CYFIP2: variants seen among roughly 807,000 people sequenced by gnomAD.
CYFIP2 encodes cytoplasmic FMR1-interacting protein 2.
In CYFIP2, 29 loss-of-function variants were observed where a neutral mutation model predicts 158.7. That is an observed-to-expected ratio of 0.18 (90% CI 0.14 to 0.25). CYFIP2 has a LOEUF of 0.25. Among genes scored for constraint, CYFIP2 ranks in the 10% least tolerant of loss-of-function variants. CYFIP2 has a pLI of 1.00. For missense variants in CYFIP2, 852 were observed against 1,639.5 expected (o/e 0.52, Z 8.29); for synonymous variants, 585 against 617.6 (o/e 0.95, Z 0.78).
intron 15 of CYFIP2, among the ~76,000 whole-genome samples, chr5:157,322,463 A>G (rs1760673947): frequency 6.6e-6 from 1 of 152,268 alleles, no homozygotes; most frequent in Non-Finnish European, 1.5e-5. Context: ...TCAGAGAATT[A>G]GAGTTGGATA....
chr5:157,375,080 T>G (rs1765335214), intron 26 of CYFIP2, among the ~76,000 whole-genome samples: 1 of 152,174 alleles, frequency 6.6e-6, no homozygotes, highest in Admixed American at 6.5e-5. Flanking sequence ...TTGAGACTTG[T>G]TAAAGGCACC....
intron 26 of CYFIP2, among the ~76,000 whole-genome samples, chr5:157,375,049 T>G (rs1056719249): frequency 1.3e-5 from 2 of 152,150 alleles, no homozygotes; most frequent in Non-Finnish European, 2.9e-5. Context: ...CACTTGGAGT[T>G]TTAAAATCAG....
intron 15 of CYFIP2, among the ~76,000 whole-genome samples, chr5:157,321,179 C>T (rs1248187899): frequency 6.6e-6 from 1 of 152,208 alleles, no homozygotes; most frequent in Non-Finnish European, 1.5e-5. Flanking sequence ...AATCTATCTG[C>T]ATGCATCTAT....
At chr5:157,331,950 C>T (rs1251484298) in intron 20 of CYFIP2, among the ~76,000 whole-genome samples, 3 of 152,154 alleles carry the variant, frequency 2.0e-5, no homozygotes, top group Non-Finnish European at 4.4e-5. Flanking sequence ...CCGCGTGTAC[C>T]CCAGTGGAAA....
chr5:157,347,066 C>T (rs1762749409), intron 23 of CYFIP2, among the ~76,000 whole-genome samples: 1 of 152,162 alleles, frequency 6.6e-6, no homozygotes, highest in Admixed American at 6.5e-5. Context: ...AATTTATACA[C>T]ATTATATGTT....
In CYFIP2 at chr5:157,386,907, G is replaced by A. The variant is rs200965777; in HGVS notation, c.3208-2282G>A. ...TGCACTCTGGCCTGGACAGCAGAGTGAGACTCTGTCTCGAAGATTTAAAAA... is the reference window on the plus strand; with the variant it reads ...TGCACTCTGGCCTGGACAGCAGAGTAAGACTCTGTCTCGAAGATTTAAAAA... On this transcript the variant is annotated intron_variant, in intron 28 of 30. Coordinates refer to ENST00000620254, the MANE Select transcript of CYFIP2 (RefSeq NM_001037333.3). Among the ~76,000 whole-genome samples, 6 of 146,632 alleles carry A rather than the reference G, an allele frequency of 4.1e-5. No individual in the cohort carries two copies. The East Asian group carries it at 1.2e-3, about 30-fold the overall frequency.
chr5:157,339,032 A>G (rs1372389756), intron 21 of CYFIP2, 25 bp from the exon 22 acceptor site: 2 of 1,597,000 alleles, frequency 1.3e-6, no homozygotes, highest in Middle Eastern at 1.7e-4. Context: ...AGTCCTCAGC[A>G]GTTGTGGGCT....
chr5:157,352,852 A>C (rs1237167804), intron 23 of CYFIP2, among the ~76,000 whole-genome samples: 1 of 152,110 alleles, frequency 6.6e-6, no homozygotes, highest in Non-Finnish European at 1.5e-5. Context: ...TGCTATCGTA[A>C]GTGTCATAAG....
intron 23 of CYFIP2, among the ~76,000 whole-genome samples, chr5:157,346,140 T>G (rs1401181116): frequency 5.3e-5 from 8 of 152,152 alleles, no homozygotes; most frequent in Non-Finnish European, 1.2e-4. Flanking sequence ...TTATTTTTAT[T>G]GTCTGAGTCT....
chr5:157,280,250 G>A (rs1471866996), intron 1 of CYFIP2, among the ~76,000 whole-genome samples: 2 of 152,058 alleles, frequency 1.3e-5, no homozygotes, highest in East Asian at 3.8e-4. Flanking sequence ...AGGCTGGAGT[G>A]CAATGGCATG....
At chr5:157,304,396 A>G (rs1421829164) in intron 8 of CYFIP2, 30 bp downstream of exon 8, 1 of 1,594,536 alleles carries the variant, frequency 6.3e-7, no homozygotes, top group Admixed American at 1.8e-5. Flanking sequence ...GCACCCATGG[A>G]GCCTGGGCTT....
chr5:157,357,933 G>C (rs1289328649), intron 23 of CYFIP2, among the ~76,000 whole-genome samples: 1 of 152,158 alleles, frequency 6.6e-6, no homozygotes, highest in African/African-American at 2.4e-5. Flanking sequence ...ACCATGATAG[G>C]TGGAGCATGG....
At chr5:157,339,549 G>A (rs1335573160) in intron 22 of CYFIP2, among the ~76,000 whole-genome samples, 3 of 152,218 alleles carry the variant, frequency 2.0e-5, no homozygotes, top group African/African-American at 7.2e-5. Flanking sequence ...GCATGCCATG[G>A]TGAGCAGATA....
rs1364445744 is a variant in CYFIP2, at chr5:157,285,471, T to C, written c.110T>C (p.Met37Thr). 2 of 1,566,978 alleles carry C rather than the reference T, an allele frequency of 1.3e-6. No homozygotes were observed. Among genetic ancestry groups the C allele is most frequent in the Non-Finnish European group, 1.7e-6 (2 of 1,155,534 alleles). ...PCIEPPPSSI[M>T]YQANFDTNFE... ...ATCGAGCCTCCACCTTCCTCCATCA[T>C]GTACCAGGTAATGGAAATGGTAGAT... The change falls in exon 2 of 31, where the codon ATG becomes ACG. Residue 37 changes from methionine to threonine, a missense_variant. Physicochemically the swap from Met to Thr is moderately conservative, Grantham distance 81. Transcript: ENST00000620254.
At chr5:157,322,898 C>CT in intron 15 of CYFIP2, 1 of 1,481,872 alleles carries the variant, frequency 6.7e-7, no homozygotes, top group Non-Finnish European at 9.1e-7. Context: ...CCTGTCTCTC[C>CT]TGCCCTCCCA....
Position 157,393,992 on chromosome 5 carries a change from G to C in CYFIP2, c.*992G>C, listed in dbSNP as rs1207884231. Reference sequence around the variant, plus strand: ...AACACAGAGGTGAGGAGGAGGAATAGTAATTGTCAATGAGCTTTTAATACC... The same window carrying C: ...AACACAGAGGTGAGGAGGAGGAATACTAATTGTCAATGAGCTTTTAATACC... On this transcript the variant is annotated 3_prime_UTR_variant, in exon 31 of 31. Transcript: ENST00000620254. 1 of 152,178 alleles carries C rather than the reference G, an allele frequency of 6.6e-6. No individual in the cohort carries two copies. Among genetic ancestry groups the C allele is most frequent in the African/African-American group, 2.4e-5 (1 of 41,436 alleles). The allele number at this position is 152,178 out of a possible 1,614,324, so 9.4% of individuals were successfully genotyped here. A position where few individuals can be genotyped will look rare whatever the true frequency, so the allele number is the denominator to read the frequency against.
At chr5:157,372,022 G>T (rs1229514358) in intron 26 of CYFIP2, among the ~76,000 whole-genome samples, 3 of 152,152 alleles carry the variant, frequency 2.0e-5, no homozygotes, top group African/African-American at 7.2e-5. Flanking sequence ...AGAAACTTCT[G>T]CAGAAGCACA....
chr5:157,322,663 G>T (rs1006584388), intron 15 of CYFIP2, among the ~76,000 whole-genome samples: 2 of 152,198 alleles, frequency 1.3e-5, no homozygotes, highest in South Asian at 2.1e-4. Flanking sequence ...AAGCCCTGTG[G>T]CAGGGATGGT....
At chr5:157,283,882 G>A (rs149330531) in intron 1 of CYFIP2, among the ~76,000 whole-genome samples, 74 of 152,188 alleles carry the variant, frequency 4.9e-4, no homozygotes, top group African/African-American at 1.7e-3. Context: ...GTTAGACACT[G>A]TATTTCCTAA....
Sources: gnomAD v4.1 joint callset for allele counts (sites outside exome capture counted in the v4.1 genomes callset) on GRCh38, gnomAD v4.1.1 for gene constraint, MANE v1.5 for transcripts, NCBI Gene and HGNC (gene_info 2026-07-23, HGNC 2026-07-21) for gene names.